Variants in OR2L13 observed in about 807,000 individuals in gnomAD.
OR2L13 encodes olfactory receptor 2L13.
In OR2L13, 14 loss-of-function variants were observed where a neutral mutation model predicts 15.3. The ratio of observed to expected loss-of-function variants is 0.91; its 90% CI spans 0.60 to 1.43. The LOEUF is 1.43. Among genes scored for constraint, OR2L13 ranks in the 40% most tolerant of loss-of-function variants. The pLI is 0.00. For missense variants in OR2L13, 367 were observed against 387.9 expected, an observed-to-expected ratio of 0.95 and a Z score of 0.45; for synonymous variants, 152 against 142.9, an observed-to-expected ratio of 1.06 and a Z score of -0.45.
At chr1:248,046,494 G>A in the OR2L13 span, among the ~76,000 whole-genome samples, 2 of 152,174 alleles carry the variant, frequency 1.3e-5, no homozygotes, top group Non-Finnish European at 2.9e-5. Flanking sequence ...TTGACATAAT[G>A]TGAATAAATA....
At chr1:248,016,743 TTA>T in the OR2L13 span, among the ~76,000 whole-genome samples, 7 of 151,908 alleles carry the variant, frequency 4.6e-5, no homozygotes, top group Non-Finnish European at 7.4e-5. Context: ...ATATATTTAT[TTA>T]TATGTTTTCA....
the OR2L13 span, chr1:248,084,463 A>T: frequency 5.5e-5 from 88 of 1,611,838 alleles, no homozygotes; most frequent in Non-Finnish European, 6.6e-5. Context: ...GTGAATCAGG[A>T]GAATCATGAG....
the OR2L13 span, chr1:247,966,343 A>G: frequency 1.3e-6 from 2 of 1,599,362 alleles, no homozygotes; most frequent in African/African-American, 1.3e-5. Context: ...GTATTGATTG[A>G]GCATTAACAA....
chr1:248,028,563 C>T, the OR2L13 span, among the ~76,000 whole-genome samples: 1 of 152,190 alleles, frequency 6.6e-6, no homozygotes, highest in Non-Finnish European at 1.5e-5. Flanking sequence ...ATAAGCAGCT[C>T]AGTTTTATTT....
chr1:248,056,757 C>T, the OR2L13 span, among the ~76,000 whole-genome samples: 2 of 148,578 alleles, frequency 1.3e-5, no homozygotes, highest in East Asian at 2.0e-4. Context: ...AAGCAATTCT[C>T]CTGCCTCGGC....
At chr1:247,990,875 C>G in the OR2L13 span, 1 of 1,512,666 alleles carries the variant, frequency 6.6e-7, no homozygotes, top group Non-Finnish European at 9.2e-7. Context: ...TTGAGCACCA[C>G]CATTTTTCTT....
chr1:247,949,321 C>T, the OR2L13 span: 1 of 1,614,182 alleles, frequency 6.2e-7, no homozygotes, highest in Non-Finnish European at 8.5e-7. Context: ...TCGATCAATG[C>T]TTGTGCTCAC....
chr1:248,026,095 T>C, the OR2L13 span, among the ~76,000 whole-genome samples: 2 of 152,144 alleles, frequency 1.3e-5, no homozygotes, highest in African/African-American at 2.4e-5. Context: ...ACTTAAAGTA[T>C]AATAATAAAA....
the OR2L13 span, among the ~76,000 whole-genome samples, chr1:248,034,586 T>TA: frequency 6.6e-6 from 1 of 152,230 alleles, no homozygotes; most frequent in East Asian, 1.9e-4. Context: ...TTAACAGTGT[T>TA]AAGCCTTCCA....
chr1:248,061,324 T>C, the OR2L13 span: 15 of 1,613,854 alleles, frequency 9.3e-6, no homozygotes, highest in Non-Finnish European at 1.2e-5. Context: ...TGCTATTTCA[T>C]GTTCCTATGG....
chr1:248,088,758 A>T, the OR2L13 span, among the ~76,000 whole-genome samples: 3 of 152,168 alleles, frequency 2.0e-5, no homozygotes, highest in African/African-American at 7.2e-5. Context: ...TTGATTTGCC[A>T]TTTACCATAA....
the OR2L13 span, among the ~76,000 whole-genome samples, chr1:248,079,916 A>G: frequency 2.0e-5 from 3 of 152,204 alleles, no homozygotes; most frequent in Non-Finnish European, 4.4e-5. Flanking sequence ...CAGCTCCACT[A>G]TGAATAAAGA....
At chr1:248,004,823 C>A in the OR2L13 span, among the ~76,000 whole-genome samples, 1 of 152,040 alleles carries the variant, frequency 6.6e-6, no homozygotes, top group African/African-American at 2.4e-5. Context: ...TAAAAATATC[C>A]AGTTTTCCCT....
upstream of OR2L13, among the ~76,000 whole-genome samples, chr1:248,094,547 C>A (rs1664674128): frequency 6.6e-6 from 1 of 152,156 alleles, no homozygotes; most frequent in Admixed American, 6.5e-5. Flanking sequence ...ACTCAGCTTC[C>A]TAATTAGTGG....
chr1:248,010,194 G>C, the OR2L13 span, among the ~76,000 whole-genome samples: 1 of 152,082 alleles, frequency 6.6e-6, no homozygotes. Context: ...AGAAATAAAG[G>C]GTATTCAAAT....
chr1:248,049,142 G>A, the OR2L13 span, among the ~76,000 whole-genome samples: 2 of 152,234 alleles, frequency 1.3e-5, no homozygotes, highest in Non-Finnish European at 2.9e-5. Flanking sequence ...TCCCAACTCT[G>A]TCACTAGGTC....
the OR2L13 span, among the ~76,000 whole-genome samples, chr1:248,026,005 G>C: frequency 6.6e-6 from 1 of 151,778 alleles, no homozygotes; most frequent in African/African-American, 2.4e-5. Flanking sequence ...GCTAAATGAG[G>C]AGTTAATGAG....
the OR2L13 span, among the ~76,000 whole-genome samples, chr1:248,080,920 G>A: frequency 6.6e-6 from 1 of 152,110 alleles, no homozygotes; most frequent in East Asian, 1.9e-4. Flanking sequence ...CTAGAACTTC[G>A]TATATTCAAA....
At chr1:248,081,468 A>T in the OR2L13 span, among the ~76,000 whole-genome samples, 1 of 152,116 alleles carries the variant, frequency 6.6e-6, no homozygotes, top group Non-Finnish European at 1.5e-5. Context: ...TTCTTCCAAA[A>T]TTTTATAGGC....
Sources: allele counts gnomAD v4.1 joint callset (sites outside exome capture counted in the v4.1 genomes callset), GRCh38; gene constraint gnomAD v4.1.1; transcripts MANE v1.5; gene names NCBI Gene and HGNC (gene_info 2026-07-23, HGNC 2026-07-21).